Variants in SNX8 observed in about 807,000 individuals in gnomAD.
The protein encoded by SNX8 is sorting nexin-8.
Under a neutral mutation model 51.6 loss-of-function variants are expected in SNX8, and 25 were observed. That is an observed-to-expected ratio of 0.48 (90% CI 0.35 to 0.68). The LOEUF is 0.68. Ranked by LOEUF, SNX8 falls within the 30% of genes least tolerant of loss-of-function variation. The pLI is 0.00. For missense variants in SNX8, 695 were observed against 624.0 expected (o/e 1.11, Z -1.21); for synonymous variants, 324 against 277.0 (o/e 1.17, Z -1.68).
chr7:2,306,820 C>T (rs550682887), intron 1 of SNX8, among the ~76,000 whole-genome samples: 26 of 152,236 alleles, frequency 1.7e-4, no homozygotes, highest in Admixed American at 1.4e-3. Flanking sequence ...ACAACAACAG[C>T]GCATTACTGG....
chr7:2,264,178 G>A, intron 6 of SNX8, 120 bp downstream of exon 6: 1 of 960,650 alleles, frequency 1.0e-6, no homozygotes, highest in Non-Finnish European at 1.5e-6. Flanking sequence ...TGCCCCTTCT[G>A]AGATGAAACA....
chr7:2,294,787 C>A (rs188922416), intron 1 of SNX8, among the ~76,000 whole-genome samples: 14 of 152,192 alleles, frequency 9.2e-5, no homozygotes, highest in Admixed American at 9.2e-4. Context: ...GTAATCCCAG[C>A]ACTTTGTGAG....
chr7:2,342,637 G>A (rs1430633005), intron 1 of SNX8, among the ~76,000 whole-genome samples: 3 of 150,048 alleles, frequency 2.0e-5, no homozygotes, highest in African/African-American at 7.4e-5. Context: ...CTAGGCGACA[G>A]AGCGAGACTC....
At position 2,253,227 on chromosome 7, in the gene SNX8, C is replaced by T. The variant is rs1398450063; in HGVS notation, c.*1829G>A. The stretch of plus-strand genomic sequence containing the variant: ...CCTTCAGAAAAGCTCATTCTGAAGT[C>T]TTGCTCAATCCTTGGGGGCTGTCAG... On this transcript the variant is annotated 3_prime_UTR_variant, in exon 11 of 11. Transcript: ENST00000222990. 2.8e-5 allele frequency: 3 copies of T among 105,474 alleles called. No individual in the cohort carries two copies. The highest frequency in any genetic ancestry group is 6.2e-5 in the Non-Finnish European group (3 of 48,628). 6.5% of individuals were successfully genotyped at this position (105,474 alleles called of 1,614,324 possible).
At chr7:2,314,994 A>G (rs1033356223), upstream of SNX8, among the ~76,000 whole-genome samples, 3 of 148,714 alleles carry the variant, frequency 2.0e-5, no homozygotes, top group African/African-American at 7.6e-5. Flanking sequence ...GCAATCATTC[A>G]CCCACTCACT....
intron 1 of SNX8, among the ~76,000 whole-genome samples, chr7:2,291,669 G>T (rs1284598907): frequency 7.9e-5 from 12 of 151,254 alleles, no homozygotes; most frequent in Non-Finnish European, 1.6e-4. Flanking sequence ...TGATTACTGA[G>T]AATTTCTGAA....
chr7:2,275,887 A>G (rs1795767123), intron 2 of SNX8, among the ~76,000 whole-genome samples: 1 of 151,706 alleles, frequency 6.6e-6, no homozygotes, highest in East Asian at 1.9e-4. Flanking sequence ...AGTCCCAGCT[A>G]CTCAGGAAGC....
At position 2,264,304 on chromosome 7, in the gene SNX8, T is replaced by C. The variant is rs767382954; in HGVS notation, c.776A>G (p.Glu259Gly). Residue 259 changes from glutamate to glycine, a missense_variant, in exon 6 of 11, where the codon GAG (glutamate) becomes GGG (glycine). Physicochemically the swap from Glu to Gly is moderately conservative, Grantham distance 98. Transcript: ENST00000222990. ...AAGCTGAAAGGTCACCTACCTTAGC[T>C]CCTTCCCGAATATGAGAAGATCTGC... Reference protein sequence around the residue: ...NAADLLIFGKELSAIGSDTTP... With the variant: ...NAADLLIFGKGLSAIGSDTTP... The C allele has an allele frequency of 6.2e-7, 1 of 1,610,906 alleles. No homozygotes were observed. Among genetic ancestry groups the C allele is most frequent in the South Asian group, 1.1e-5 (1 of 91,040 alleles).
intron 1 of SNX8, among the ~76,000 whole-genome samples, chr7:2,306,940 C>T (rs1796556819): frequency 6.6e-6 from 1 of 151,754 alleles, no homozygotes; most frequent in South Asian, 2.1e-4. Context: ...TATTACCTAA[C>T]CTGAGTTTCT....
rs531082225 is a variant in SNX8 at position 2,277,425 on chromosome 7, G to A, written c.300+675C>T. On this transcript the variant is annotated intron_variant, in intron 2 of 10. Transcript: ENST00000222990. ...CGATGGGGCTGACATTCTAATCCTC[G>A]GGGGTTTCCCACTATTACAAAGCGA... is the stretch of plus-strand genomic sequence containing the variant. 9.7e-4 allele frequency among the ~76,000 whole-genome samples: 148 copies of A among 152,128 alleles called. 5 individuals are homozygous for A. The South Asian group carries it at 0.027, about 28-fold the overall frequency.
chr7:2,330,436 C>G (rs1251195510), intron 1 of SNX8, among the ~76,000 whole-genome samples: 1 of 151,924 alleles, frequency 6.6e-6, no homozygotes, highest in Non-Finnish European at 1.5e-5. Flanking sequence ...CGTGCCCAGC[C>G]CTTTTGCAAT....
At chr7:2,304,316 G>T (rs535603941) in intron 1 of SNX8, among the ~76,000 whole-genome samples, 11 of 151,996 alleles carry the variant, frequency 7.2e-5, no homozygotes, top group Admixed American at 2.6e-4. Context: ...AGGCCAAGGT[G>T]GGCAGATCAC....
At chr7:2,330,115 G>C (rs1466832991) in intron 1 of SNX8, among the ~76,000 whole-genome samples, 2 of 143,776 alleles carry the variant, frequency 1.4e-5, no homozygotes, top group African/African-American at 5.2e-5. Flanking sequence ...ACAGGCATGA[G>C]CCACTGCGCC....
At chr7:2,343,756 C>T (rs1425851760) in intron 1 of SNX8, among the ~76,000 whole-genome samples, 1 of 152,110 alleles carries the variant, frequency 6.6e-6, no homozygotes, top group Non-Finnish European at 1.5e-5. Context: ...CAGTGGCTCA[C>T]ACCTGTAATC....
intron 1 of SNX8, among the ~76,000 whole-genome samples, chr7:2,342,915 C>T (rs866115308): frequency 6.6e-6 from 1 of 151,914 alleles, no homozygotes; most frequent in Non-Finnish European, 1.5e-5. Flanking sequence ...CTCCACCTCC[C>T]GCGTTCACAC....
intron 1 of SNX8, among the ~76,000 whole-genome samples, chr7:2,334,783 C>T (rs557820054): frequency 6.8e-6 from 1 of 146,268 alleles, no homozygotes; most frequent in Non-Finnish European, 1.5e-5. Context: ...GCAGGAGGAT[C>T]ACCTGATCCC....
chr7:2,286,076 A>C (rs982825831), intron 1 of SNX8, among the ~76,000 whole-genome samples: 3 of 148,100 alleles, frequency 2.0e-5, no homozygotes, highest in African/African-American at 5.0e-5. Flanking sequence ...CTGTGGCGCT[A>C]TCTCGGCTCA....
At chr7:2,340,409 G>A (rs563906758) in intron 1 of SNX8, among the ~76,000 whole-genome samples, 2 of 151,600 alleles carry the variant, frequency 1.3e-5, no homozygotes, top group Non-Finnish European at 2.9e-5. Flanking sequence ...AGCTTTATGA[G>A]TGGGAAAGGG....
intron 4 of SNX8, among the ~76,000 whole-genome samples, chr7:2,270,448 G>A (rs569038971): frequency 6.6e-6 from 1 of 151,070 alleles, no homozygotes; most frequent in East Asian, 2.0e-4. Context: ...GTAACATAGT[G>A]AGACCCCATC....
Sources: allele counts gnomAD v4.1 joint callset (sites outside exome capture counted in the v4.1 genomes callset), GRCh38; gene constraint gnomAD v4.1.1; transcripts MANE v1.5; gene names NCBI Gene and HGNC (gene_info 2026-07-23, HGNC 2026-07-21).